Variants in STAMBP observed in about 807,000 individuals in gnomAD.
STAMBP encodes the protein STAM-binding protein.
In STAMBP, 31 loss-of-function variants were observed where a neutral mutation model predicts 50.7. That is an observed-to-expected ratio of 0.61 (90% CI 0.46 to 0.83). The LOEUF (loss-of-function observed/expected upper bound fraction) is 0.83. Ranked by LOEUF, STAMBP falls within the 40% of genes least tolerant of loss-of-function variation. The probability of loss-of-function intolerance (pLI) is 0.00; values close to 1 mark genes in which losing one functional copy is unlikely to be tolerated. For missense variants in STAMBP, 472 were observed against 518.9 expected (o/e 0.91, Z 0.88); for synonymous variants, 211 against 192.4 (o/e 1.10, Z -0.80).
downstream of STAMBP, among the ~76,000 whole-genome samples, chr2:73,869,594 T>C (rs1679118318): frequency 2.0e-5 from 3 of 152,188 alleles, no homozygotes; most frequent in Admixed American, 6.5e-5. Context: ...GGAAATTTAT[T>C]ACCAGATAAT....
At chr2:73,839,747 A>G (rs1332015275) in intron 2 of STAMBP, among the ~76,000 whole-genome samples, 2 of 152,250 alleles carry the variant, frequency 1.3e-5, no homozygotes, top group African/African-American at 2.4e-5. Context: ...TATTTCTGGC[A>G]TGGATGAGGT....
chr2:73,845,146 A>G (rs769707345), intron 3 of STAMBP, 21 bp from the exon 4 acceptor site: 12 of 1,610,294 alleles, frequency 7.5e-6, no homozygotes, highest in Admixed American at 6.7e-5. Context: ...TTCTAATTCT[A>G]TTTTCTGTTT....
chr2:73,868,612 A>G (rs1261536891), downstream of STAMBP, among the ~76,000 whole-genome samples: 1 of 152,168 alleles, frequency 6.6e-6, no homozygotes, highest in African/African-American at 2.4e-5. Context: ...GGCCAGGCAC[A>G]GTGGCATACA....
chr2:73,859,708 A>T (rs1678062659), intron 8 of STAMBP, among the ~76,000 whole-genome samples: 1 of 135,226 alleles, frequency 7.4e-6, no homozygotes, highest in Admixed American at 7.3e-5. Flanking sequence ...AAAAAATAAA[A>T]AAATATAATA....
chr2:73,844,638 T>G, intron 2 of STAMBP, 175 bp from the exon 3 acceptor site: 1 of 459,104 alleles, frequency 2.2e-6, no homozygotes, highest in Non-Finnish European at 3.9e-6. Context: ...CTCTGGCTCT[T>G]TAGGGGGATA....
intron 7 of STAMBP, among the ~76,000 whole-genome samples, chr2:73,852,422 G>A (rs912246939): frequency 2.0e-5 from 3 of 152,166 alleles, no homozygotes; most frequent in Non-Finnish European, 4.4e-5. Flanking sequence ...GTAGTTATCA[G>A]CCAGTTGGCA....
At chr2:73,844,992 A>C in intron 3 of STAMBP, 104 bp downstream of exon 3, 1 of 1,529,380 alleles carries the variant, frequency 6.5e-7, no homozygotes. Context: ...CAGATCCTGC[A>C]ATAGGAGATA....
chr2:73,847,282 C>T (rs776331305), intron 4 of STAMBP, 105 bp from the exon 5 acceptor site: 224 of 1,398,804 alleles, frequency 1.6e-4, no homozygotes, highest in Non-Finnish European at 2.1e-4. Flanking sequence ...AATCAGGCCA[C>T]AGCAGAAGTA....
chr2:73,847,210 G>T (rs180982463), intron 4 of STAMBP, among the ~76,000 whole-genome samples, 177 bp from the exon 5 acceptor site: 8 of 152,260 alleles, frequency 5.3e-5, no homozygotes, highest in Admixed American at 5.2e-4. Context: ...AGATAGAAAG[G>T]GGTGGTGACT....
In STAMBP at chr2:73,864,936, A is replaced by G. The variant is rs1678731944; in HGVS notation, c.*2677A>G. The G allele has an allele frequency of 6.6e-6, 1 of 152,186 alleles. No individual in the cohort carries two copies. Among genetic ancestry groups the G allele is most frequent in the East Asian group, 1.9e-4 (1 of 5,194 alleles). 9.4% of individuals were successfully genotyped at this position (152,186 alleles called of 1,614,324 possible). A position where few individuals can be genotyped will look rare whatever the true frequency, so the allele number is the denominator to read the frequency against. On this transcript the variant is annotated 3_prime_UTR_variant, in exon 10 of 10. Coordinates refer to ENST00000394070, the MANE Select transcript of STAMBP (RefSeq NM_213622.4). Reference sequence around the variant, plus strand: ...CATACTCCTTGTTAAATGGGACCAAAGGGGAAGAAGAAGAAACCCTTAAGC... The same window carrying G: ...CATACTCCTTGTTAAATGGGACCAAGGGGGAAGAAGAAGAAACCCTTAAGC...
chr2:73,838,318 A>G (rs1001565474), intron 2 of STAMBP, among the ~76,000 whole-genome samples: 1 of 152,226 alleles, frequency 6.6e-6, no homozygotes, highest in African/African-American at 2.4e-5. Context: ...CACTTTATTT[A>G]CAAGAACAGA....
intron 4 of STAMBP, among the ~76,000 whole-genome samples, chr2:73,846,625 G>GA (rs71406838): frequency 0.27 from 37,238 of 138,976 alleles, 4,765 homozygotes; most frequent in East Asian, 0.35. Context: ...GACTCTCTAA[G>GA]AAAAAAAAAA....
chr2:73,860,032 C>T lies in STAMBP; in HGVS notation c.1119-20C>T, dbSNP rs772538262. The T allele has an allele frequency of 6.3e-7, 1 of 1,587,788 alleles. No individual in the cohort carries two copies. Among genetic ancestry groups the T allele is most frequent in the Non-Finnish European group, 8.6e-7 (1 of 1,168,826 alleles). ...GGGACACCTTTGCTTGACTCTTAGCCTGCCTTTTTTAAATTTCAGAACTGG... is the reference window on the plus strand; with the variant it reads ...GGGACACCTTTGCTTGACTCTTAGCTTGCCTTTTTTAAATTTCAGAACTGG... On this transcript the variant is annotated intron_variant, in intron 8 of 9. Coordinates refer to ENST00000394070, the MANE Select transcript of STAMBP (RefSeq NM_213622.4).
chr2:73,849,312 TGAG>T, intron 5 of STAMBP, 48 bp from the exon 6 acceptor site: 1 of 1,610,816 alleles, frequency 6.2e-7, no homozygotes, highest in African/African-American at 1.3e-5. Context: ...GAGGTCTGCT[TGAG>T]GAGGCAGGGC....
rs774517823 is a variant in STAMBP at position 73,847,519 on chromosome 2, C to T, written c.508C>T (p.Arg170Trp). The change falls in exon 5 of 10, where the codon CGG (arginine) becomes TGG (tryptophan). Residue 170 changes from arginine (R) to tryptophan (W), a missense_variant. Arg to Trp is a moderately radical substitution (Grantham distance 101). Transcript: ENST00000394070. ...EQFHAFEEMI[R>W]NQELEKERLK... ...GTTCCATGCCTTCGAGGAGATGATC[C>T]GGAACCAGGAGCTAGAAAAAGAGCG... 38 of 1,613,984 alleles carry T rather than the reference C, an allele frequency of 2.4e-5. No individual in the cohort carries two copies. The highest frequency in any genetic ancestry group is 1.6e-4 in the Middle Eastern group (1 of 6,084).
intron 7 of STAMBP, chr2:73,855,653 A>G: frequency 2.2e-6 from 1 of 456,074 alleles, no homozygotes; most frequent in Non-Finnish European, 4.4e-6. Flanking sequence ...AAGTCCTTAC[A>G]TGCCCCATGA....
downstream of STAMBP, among the ~76,000 whole-genome samples, chr2:73,869,873 A>T (rs556321218): frequency 1.8e-4 from 27 of 152,352 alleles, no homozygotes; most frequent in African/African-American, 6.5e-4. Context: ...AAGGCCACAG[A>T]ACTCCAAATG....
chr2:73,857,642 T>C (rs1677729447), intron 7 of STAMBP, among the ~76,000 whole-genome samples: 1 of 152,210 alleles, frequency 6.6e-6, no homozygotes, highest in Non-Finnish European at 1.5e-5. Context: ...TAGGACGGCA[T>C]GCGCTTGCCT....
intron 2 of STAMBP, among the ~76,000 whole-genome samples, chr2:73,838,538 TA>T (rs1675003080): frequency 6.6e-6 from 1 of 152,142 alleles, no homozygotes; most frequent in African/African-American, 2.4e-5. Context: ...GAGGAGAGGC[TA>T]ACAGTCCAGA....
Sources: allele counts gnomAD v4.1 joint callset (sites outside exome capture counted in the v4.1 genomes callset), GRCh38; gene constraint gnomAD v4.1.1; transcripts MANE v1.5; gene names NCBI Gene and HGNC (gene_info 2026-07-23, HGNC 2026-07-21).